The following HTN1 variants were observed in gnomAD, a reference collection of about 807,000 sequenced individuals.
The protein encoded by HTN1 is histatin 1, also known as histatin-1.
A neutral mutation model predicts 11.2 loss-of-function variants in HTN1; 18 were observed. The ratio of observed to expected loss-of-function variants is 1.61; its 90% confidence interval spans 1.12 to 2.39. The LOEUF is 2.39. Among genes scored for constraint, HTN1 ranks in the 30% most tolerant of loss-of-function variants. The pLI is 0.00. For synonymous variants in HTN1, 21 were observed against 20.5 expected, an observed-to-expected ratio of 1.02 and a Z score of -0.07; for missense variants, 80 against 67.2, an observed-to-expected ratio of 1.19 and a Z score of -0.67.
intron 2 of HTN1, among the ~76,000 whole-genome samples, chr4:70,053,800 A>G (rs1055043860): frequency 2.0e-5 from 3 of 152,096 alleles, no homozygotes; most frequent in Non-Finnish European, 4.4e-5. Context: ...CAAAAGAATA[A>G]TAATACTCCA....
At chr4:70,054,927 T>C (rs577601811) in intron 4 of HTN1, among the ~76,000 whole-genome samples, 1 of 152,168 alleles carries the variant, frequency 6.6e-6, no homozygotes, top group East Asian at 1.9e-4. Context: ...AAGTCTCATG[T>C]TATTTTGACC....
chr4:70,055,662 A>C, intron 5 of HTN1, 60 bp downstream of exon 5: 1 of 768,652 alleles, frequency 1.3e-6, no homozygotes, highest in Non-Finnish European at 2.2e-6. Context: ...TTTAAAAAAA[A>C]AGCCATAAGC....
chr4:70,053,176 A>T (rs761880973), intron 2 of HTN1, 49 bp downstream of exon 2: 5 of 1,202,432 alleles, frequency 4.2e-6, no homozygotes, highest in Non-Finnish European at 4.9e-6. Context: ...TACTTATCCC[A>T]AGTGTCTCTC....
intron 1 of HTN1, 183 bp from the exon 2 acceptor site, chr4:70,052,881 G>A (rs1023262276): frequency 3.9e-6 from 2 of 515,588 alleles, no homozygotes; most frequent in African/African-American, 3.8e-5. Context: ...GGAGGCTAAG[G>A]TGGGAGGATG....
rs73823840 is a variant in HTN1, at chr4:70,053,059, T to C, written c.-13-5T>C. ...ATTACTGATTTTTCATGTTTGATTT[T>C]ATAGGACTCAGCCAACTATGAAGTT... is the stretch of plus-strand genomic sequence containing the variant. On this transcript the variant is annotated splice_region_variant and splice_polypyrimidine_tract_variant and intron_variant, in intron 1 of 5. Coordinates refer to ENST00000246896, the MANE Select transcript of HTN1 (RefSeq NM_002159.4). 6,308 of 1,578,082 alleles carry C rather than the reference T, an allele frequency of 4.0e-3. 190 individuals are homozygous for C. In the African/African-American group the frequency reaches 0.072, roughly 18 times the overall value.
At chr4:70,058,361 T>A (rs1159210805) in intron 5 of HTN1, 2 of 152,054 alleles carry the variant, frequency 1.3e-5, no homozygotes, top group African/African-American at 4.8e-5. Flanking sequence ...TCAAGAAAAA[T>A]TTAAATTTAA....
chr4:70,055,677 A>G (rs989243511), intron 5 of HTN1, 75 bp downstream of exon 5: 4 of 689,294 alleles, frequency 5.8e-6, no homozygotes, highest in Non-Finnish European at 1.0e-5. Context: ...ATAAGCTAAC[A>G]ACCATTCCAG....
chr4:70,055,589 G>T lies in HTN1; in HGVS notation c.*20G>T, dbSNP rs780433839. 7.0e-7 allele frequency: 1 copy of T among 1,419,700 alleles called. No homozygotes were observed. The highest frequency in any genetic ancestry group is 1.2e-5 in the South Asian group (1 of 86,940). 87.9% of individuals were successfully genotyped at this position (1,419,700 alleles called of 1,614,324 possible). A position where few individuals can be genotyped will look rare whatever the true frequency, so the allele number is the denominator to read the frequency against. ...AATTGATATCCTTAGTAATCATGGG[G>T]CATGATTATAGAGGTAAGCTGACTC... On this transcript the variant is annotated 3_prime_UTR_variant, in exon 5 of 6. Coordinates refer to ENST00000246896, the MANE Select transcript of HTN1 (RefSeq NM_002159.4).
intron 4 of HTN1, 46 bp from the exon 5 acceptor site, chr4:70,055,452 A>G (rs1327359578): frequency 1.5e-6 from 2 of 1,337,152 alleles, no homozygotes; most frequent in Non-Finnish European, 2.2e-6. Flanking sequence ...TTGTATTGTC[A>G]TTCTCTATTC....
intron 5 of HTN1, chr4:70,057,400 G>C: frequency 6.6e-6 from 1 of 151,038 alleles, no homozygotes; most frequent in East Asian, 1.9e-4. Flanking sequence ...AGTAAGGGAA[G>C]GTAACAGAGG....
chr4:70,057,995 AG>A (rs777148601), intron 5 of HTN1: 1 of 152,206 alleles, frequency 6.6e-6, no homozygotes, highest in Non-Finnish European at 1.5e-5. Context: ...TCATAAAGTC[AG>A]TTTTATTTAT....
chr4:70,053,674 T>C (rs752328788), intron 2 of HTN1, among the ~76,000 whole-genome samples: 8 of 152,134 alleles, frequency 5.3e-5, no homozygotes, highest in Non-Finnish European at 1.0e-4. Context: ...TACTACTGTG[T>C]ATTAGTAGGA....
chr4:70,056,831 T>C (rs1157677817), intron 5 of HTN1: 2 of 152,168 alleles, frequency 1.3e-5, no homozygotes, highest in East Asian at 1.9e-4. Context: ...AAAATCACAA[T>C]GAGATACCAT....
intron 2 of HTN1, among the ~76,000 whole-genome samples, chr4:70,054,022 A>G (rs56037561): frequency 0.038 from 5,794 of 152,174 alleles, 355 homozygotes; most frequent in African/African-American, 0.13. Context: ...AAAACAATCC[A>G]GAGTTTCATT....
At chr4:70,058,002 T>G (rs1187751401) in intron 5 of HTN1, 1 of 152,178 alleles carries the variant, frequency 6.6e-6, no homozygotes, top group East Asian at 1.9e-4. Flanking sequence ...GTCAGTTTTA[T>G]TTATCTATAT....
chr4:70,052,010 C>T (rs975582629), intron 1 of HTN1, among the ~76,000 whole-genome samples: 3 of 152,076 alleles, frequency 2.0e-5, no homozygotes, highest in Non-Finnish European at 4.4e-5. Flanking sequence ...AATAAGTAAC[C>T]TGCTATACTT....
chr4:70,054,631 G>A (rs1178272660), intron 4 of HTN1, among the ~76,000 whole-genome samples, 181 bp downstream of exon 4: 3 of 151,960 alleles, frequency 2.0e-5, no homozygotes, highest in African/African-American at 4.8e-5. Flanking sequence ...TGTCCTAAAA[G>A]CATTTCAACA....
chr4:70,052,462 T>G (rs1725918943), intron 1 of HTN1, among the ~76,000 whole-genome samples: 1 of 152,162 alleles, frequency 6.6e-6, no homozygotes, highest in South Asian at 2.1e-4. Flanking sequence ...CTGTTTGCAT[T>G]TTTAACATGC....
intron 2 of HTN1, 134 bp from the exon 3 acceptor site, chr4:70,054,188 T>C (rs1013447484): frequency 5.5e-6 from 3 of 543,862 alleles, no homozygotes; most frequent in African/African-American, 4.0e-5. Context: ...CTAAAATAAC[T>C]AATTTAGTCT....
Sources: allele counts gnomAD v4.1 joint callset (sites outside exome capture counted in the v4.1 genomes callset), GRCh38; gene constraint gnomAD v4.1.1; transcripts MANE v1.5; gene names NCBI Gene and HGNC (gene_info 2026-07-23, HGNC 2026-07-21).